Variants in C14orf93 observed in about 807,000 individuals in gnomAD.
The protein encoded by C14orf93 is uncharacterized protein C14orf93.
In C14orf93, 23 loss-of-function variants were observed where a neutral mutation model predicts 44.0. The observed-to-expected ratio is 0.52, with a 90% CI of 0.38 to 0.74. C14orf93 has a LOEUF of 0.74. Ranked by LOEUF, C14orf93 falls within the 30% of genes least tolerant of loss-of-function variation. The pLI is 0.00. For missense variants in C14orf93, 579 were observed against 678.9 expected (o/e 0.85, Z 1.64); for synonymous variants, 253 against 265.7 (o/e 0.95, Z 0.46).
intron 5 of C14orf93, among the ~76,000 whole-genome samples, chr14:22,988,411 AG>A (rs780576461): frequency 6.6e-6 from 1 of 152,200 alleles, no homozygotes; most frequent in Non-Finnish European, 1.5e-5. Flanking sequence ...AGGCGTGAGC[AG>A]CCGTGCCTGG....
At chr14:22,997,020 C>T (rs1566682886) in intron 2 of C14orf93, among the ~76,000 whole-genome samples, 1 of 151,562 alleles carries the variant, frequency 6.6e-6, no homozygotes, top group Admixed American at 6.6e-5. Flanking sequence ...CAGAAAGATG[C>T]GGGGGAGGAG....
At chr14:22,995,093 C>G (rs1026554116) in intron 3 of C14orf93, among the ~76,000 whole-genome samples, 2 of 152,150 alleles carry the variant, frequency 1.3e-5, no homozygotes, top group Admixed American at 1.3e-4. Flanking sequence ...TCTTTGGGCT[C>G]CCAGCCACGC....
intron 1 of C14orf93, among the ~76,000 whole-genome samples, chr14:23,004,200 T>G (rs112976213): frequency 0.18 from 26,604 of 143,886 alleles, 6,772 homozygotes; most frequent in African/African-American, 0.58. Flanking sequence ...GAGCCATCGT[T>G]CCCGGCCAAA....
Position 22,986,863 on chromosome 14 carries a change from G to C in C14orf93, c.*352C>G, listed in dbSNP as rs528581096. On this transcript the variant is annotated 3_prime_UTR_variant, in exon 7 of 7. Transcript: ENST00000299088. ...GGCTGCTTCCTCAGAGCTTTGGGTGGAACTGGGCAGGGGCAGAAACAACTC... is the reference window on the plus strand; with the variant it reads ...GGCTGCTTCCTCAGAGCTTTGGGTGCAACTGGGCAGGGGCAGAAACAACTC... 1 of 277,868 alleles carries C rather than the reference G, an allele frequency of 3.6e-6. No homozygotes were observed. Among genetic ancestry groups the C allele is most frequent in the East Asian group, 8.8e-5 (1 of 11,420 alleles). The allele number at this position is 277,868 out of a possible 1,614,324, so 17.2% of individuals were successfully genotyped here.
intron 1 of C14orf93, chr14:23,006,813 G>T (rs955617509): frequency 3.3e-5 from 5 of 152,332 alleles, no homozygotes; most frequent in African/African-American, 9.6e-5. Flanking sequence ...AGGGGACAGG[G>T]TGACTCGCCA....
intron 1 of C14orf93, among the ~76,000 whole-genome samples, chr14:23,008,873 T>C (rs1728393334): frequency 6.6e-6 from 1 of 152,242 alleles, no homozygotes; most frequent in African/African-American, 2.4e-5. Context: ...CCCATCACCA[T>C]CACCATGAAC....
At chr14:23,007,729 G>A (rs1057005683) in intron 1 of C14orf93, among the ~76,000 whole-genome samples, 3 of 152,156 alleles carry the variant, frequency 2.0e-5, no homozygotes, top group Admixed American at 1.3e-4. Flanking sequence ...GGAAATCAGG[G>A]ATACGGGCTC....
intron 3 of C14orf93, among the ~76,000 whole-genome samples, chr14:22,992,923 A>T (rs1391436164): frequency 6.6e-6 from 1 of 151,898 alleles, no homozygotes; most frequent in Non-Finnish European, 1.5e-5. Flanking sequence ...TCTGTTGTCC[A>T]GGCTAGAGTG....
At chr14:23,002,738 A>C (rs2046376409) in intron 1 of C14orf93, 1 of 151,694 alleles carries the variant, frequency 6.6e-6, no homozygotes, top group African/African-American at 2.4e-5. Flanking sequence ...TTTTTTTAAG[A>C]GGCGGGGTCT....
In C14orf93 at chr14:22,999,258, GT is replaced by G. The variant is rs2046174629; in HGVS notation, c.-236del. The G allele has an allele frequency of 9.5e-6, 5 of 528,544 alleles. No individual in the cohort carries two copies. Among genetic ancestry groups the G allele is most frequent in the Non-Finnish European group, 3.3e-6 (1 of 304,178 alleles). 32.7% of individuals were successfully genotyped at this position (528,544 alleles called of 1,614,324 possible). A position where few individuals can be genotyped will look rare whatever the true frequency, so the allele number is the denominator to read the frequency against. On this transcript the variant is annotated 5_prime_UTR_variant, in exon 2 of 7. An upstream open reading frame in the 5' UTR loses its in-frame stop. Coordinates refer to ENST00000299088, the MANE Select transcript of C14orf93 (RefSeq NM_021944.4). ...CAGGTGCCTTCTATTTGCAGATCCT[GT>G]GCTCTCCTAGCACATCACAAATCAA...
intron 4 of C14orf93, 47 bp from the exon 5 acceptor site, chr14:22,989,892 G>A (rs34851432): frequency 1.3e-6 from 2 of 1,550,534 alleles, no homozygotes. Flanking sequence ...CTTTGTAAGA[G>A]CCAGACAAAC....
intron 1 of C14orf93, chr14:23,005,023 A>G (rs2046557532): frequency 6.6e-6 from 1 of 152,262 alleles, no homozygotes; most frequent in Non-Finnish European, 1.5e-5. Context: ...AAAATAATGG[A>G]AACATTAACA....
Position 22,990,445 on chromosome 14 carries a change from G to A in C14orf93, c.919-318C>T, listed in dbSNP as rs546336269. 5.9e-5 allele frequency among the ~76,000 whole-genome samples: 9 copies of A among 152,070 alleles called. No homozygotes were observed. The South Asian group carries it at 1.5e-3, about 25-fold the overall frequency. On this transcript the variant is annotated intron_variant, in intron 3 of 6. Coordinates refer to ENST00000299088, the MANE Select transcript of C14orf93 (RefSeq NM_021944.4). ...AGCAAGTATACACCAGGAGTACTGC[G>A]AGTGAACATTTCTTTTTTACTTTTC... is the stretch of plus-strand genomic sequence containing the variant.
chr14:22,988,824 T>C (rs922057003), intron 5 of C14orf93, among the ~76,000 whole-genome samples: 2 of 152,122 alleles, frequency 1.3e-5, no homozygotes, highest in African/African-American at 4.8e-5. Flanking sequence ...CTCACACCTG[T>C]AATCCCAACA....
At chr14:22,990,207 G>GT (rs1385014233) in intron 3 of C14orf93, 80 bp from the exon 4 acceptor site, 7 of 1,280,958 alleles carry the variant, frequency 5.5e-6, no homozygotes, top group Non-Finnish European at 7.8e-6. Context: ...GGGTAAAAAG[G>GT]TATTGTCCCT....
rs112716516 is a variant in C14orf93, at chr14:22,998,919, G to A, written c.105C>T (p.Ser35=). The A allele has an allele frequency of 1.3e-4, 217 of 1,614,114 alleles. 1 individual carries two copies. In the African/African-American group the frequency reaches 2.4e-3, roughly 18 times the overall value. The part of the protein sequence containing the change: ...KSETNGGNTG[S]QGGNPPPSTP... ...TGCTGGGAGGAGGATTCCCACCCTG[G>A]GAGCCTGTGTTGCCTCCATTAGTCT... Residue 35 remains serine, a synonymous_variant, in exon 2 of 7, where the codon TCC becomes TCT. Coordinates refer to ENST00000299088, the MANE Select transcript of C14orf93 (RefSeq NM_021944.4).
At chr14:22,995,450 C>A (rs543026261) in intron 3 of C14orf93, among the ~76,000 whole-genome samples, 23 of 152,170 alleles carry the variant, frequency 1.5e-4, no homozygotes, top group African/African-American at 5.3e-4. Context: ...GAGGCCGAGG[C>A]GGGTGGATAA....
chr14:23,006,734 G>C (rs1016925063), intron 1 of C14orf93: 4 of 152,312 alleles, frequency 2.6e-5, no homozygotes, highest in African/African-American at 9.6e-5. Flanking sequence ...GGGTCAGTGT[G>C]ATTCAGCTAC....
chr14:23,006,815 G>A (rs2046638172), intron 1 of C14orf93: 2 of 152,456 alleles, frequency 1.3e-5, no homozygotes, highest in South Asian at 4.1e-4. Flanking sequence ...GGGACAGGGT[G>A]ACTCGCCACT....
Sources: gnomAD v4.1 joint callset for allele counts (sites outside exome capture counted in the v4.1 genomes callset) on GRCh38, gnomAD v4.1.1 for gene constraint, MANE v1.5 for transcripts, NCBI Gene and HGNC (gene_info 2026-07-23, HGNC 2026-07-21) for gene names.